Variants in PAPPA2 observed in about 807,000 individuals in gnomAD.
PAPPA2 encodes the protein pappalysin-2.
In PAPPA2, 86 loss-of-function variants were observed where a neutral mutation model predicts 176.4. That is an observed-to-expected ratio of 0.49 (90% CI 0.41 to 0.58). The LOEUF is 0.58. PAPPA2 is among the 20% of genes least tolerant of loss of function. The pLI is 0.00. For missense variants in PAPPA2, 2,073 were observed against 2,256.9 expected (o/e 0.92, Z 1.65); for synonymous variants, 809 against 852.2 (o/e 0.95, Z 0.88).
chr1:176,815,965 G>A (rs544236773), intron 21 of PAPPA2, among the ~76,000 whole-genome samples: 6 of 151,636 alleles, frequency 4.0e-5, no homozygotes, highest in Non-Finnish European at 8.8e-5. Context: ...AGTTCTTTCC[G>A]TCCTTTTTCC....
At chr1:176,565,665 C>T (rs1484253892) in intron 2 of PAPPA2, among the ~76,000 whole-genome samples, 1 of 152,188 alleles carries the variant, frequency 6.6e-6, no homozygotes, top group Non-Finnish European at 1.5e-5. Context: ...CGCTGCACTC[C>T]AGCCTGGGGG....
intron 21 of PAPPA2, among the ~76,000 whole-genome samples, chr1:176,811,711 T>A (rs1217319051): frequency 6.6e-6 from 1 of 152,188 alleles, no homozygotes; most frequent in East Asian, 1.9e-4. Flanking sequence ...TGTTTGTGAA[T>A]TTCACTGCCA....
chr1:176,728,919 A>G (rs1255270901), intron 12 of PAPPA2, among the ~76,000 whole-genome samples: 1 of 151,912 alleles, frequency 6.6e-6, no homozygotes, highest in Non-Finnish European at 1.5e-5. Flanking sequence ...ACCCGATATT[A>G]CCCAATTATC....
At position 176,809,951 on chromosome 1, in the gene PAPPA2, A is replaced by AGTGTGTGTGT. The variant is rs55858181; in HGVS notation, c.5202+9860_5202+9869dup. On this transcript the variant is annotated intron_variant, in intron 21 of 22. Coordinates refer to ENST00000367662, the MANE Select transcript of PAPPA2 (RefSeq NM_020318.3). ...TCTCCTTATTTTTAGGACAAGATGC[A>AGTGTGTGTGT]GTGTGTGTGTGTGTGTGTGTGTGTG... 2.7e-3 allele frequency among the ~76,000 whole-genome samples: 357 copies of AGTGTGTGTGT among 133,782 alleles called. 1 individual carries two copies. Among genetic ancestry groups the AGTGTGTGTGT allele is most frequent in the African/African-American group, 8.4e-3 (294 of 34,856 alleles). The allele number at this position is 133,782 out of a possible 152,430, so 87.8% of individuals were successfully genotyped here. A position where few individuals can be genotyped will look rare whatever the true frequency, so the allele number is the denominator to read the frequency against.
intron 3 of PAPPA2, among the ~76,000 whole-genome samples, chr1:176,597,943 G>A (rs1198951392): frequency 6.6e-6 from 1 of 152,010 alleles, no homozygotes; most frequent in Non-Finnish European, 1.5e-5. Flanking sequence ...GCCCTTATCT[G>A]GGTGTTTATA....
At chr1:176,638,585 A>G (rs910456087) in intron 3 of PAPPA2, among the ~76,000 whole-genome samples, 2 of 152,000 alleles carry the variant, frequency 1.3e-5, no homozygotes, top group Admixed American at 6.6e-5. Flanking sequence ...GAAAGAGGGA[A>G]GACTGAATGC....
At chr1:176,616,028 G>A (rs1299849790) in intron 3 of PAPPA2, among the ~76,000 whole-genome samples, 6 of 152,320 alleles carry the variant, frequency 3.9e-5, no homozygotes, top group Admixed American at 3.3e-4. Flanking sequence ...TGGTATGAAT[G>A]ACAAGCACAT....
At chr1:176,674,265 T>C (rs1392227080) in intron 4 of PAPPA2, among the ~76,000 whole-genome samples, 1 of 152,080 alleles carries the variant, frequency 6.6e-6, no homozygotes, top group South Asian at 2.1e-4. Flanking sequence ...AACACTCTTT[T>C]AAAAACATTT....
chr1:176,827,008 A>T (rs1666885189), intron 21 of PAPPA2, among the ~76,000 whole-genome samples: 1 of 152,236 alleles, frequency 6.6e-6, no homozygotes, highest in East Asian at 1.9e-4. Context: ...TGATTTGAAC[A>T]GTCAATGTCA....
At chr1:176,659,466 C>T (rs1658214248) in intron 3 of PAPPA2, among the ~76,000 whole-genome samples, 1 of 152,002 alleles carries the variant, frequency 6.6e-6, no homozygotes. Context: ...AGATTAGGGC[C>T]CACTCTAATG....
chr1:176,663,436 T>A (rs1232070320), intron 3 of PAPPA2, among the ~76,000 whole-genome samples: 1 of 152,148 alleles, frequency 6.6e-6, no homozygotes, highest in East Asian at 1.9e-4. Context: ...ACTTTGTTTC[T>A]GGCTAAGTAG....
intron 12 of PAPPA2, among the ~76,000 whole-genome samples, chr1:176,730,094 T>C (rs1320393316): frequency 6.6e-6 from 1 of 151,982 alleles, no homozygotes; most frequent in Non-Finnish European, 1.5e-5. Context: ...TAGAATTATT[T>C]TATATATTCA....
chr1:176,578,097 C>T (rs966067704), intron 2 of PAPPA2, among the ~76,000 whole-genome samples: 4 of 152,294 alleles, frequency 2.6e-5, no homozygotes, highest in Non-Finnish European at 5.9e-5. Context: ...CCAAGAGCAG[C>T]ATTTCTGCCT....
intron 3 of PAPPA2, among the ~76,000 whole-genome samples, chr1:176,623,663 C>CTT (rs1655774405): frequency 8.6e-6 from 1 of 116,662 alleles, no homozygotes; most frequent in African/African-American, 3.1e-5. Context: ...TTCTTTCTTT[C>CTT]TTTCTTTTTC....
At chr1:176,797,088 A>G (rs910597106) in intron 20 of PAPPA2, among the ~76,000 whole-genome samples, 1 of 152,266 alleles carries the variant, frequency 6.6e-6, no homozygotes, top group African/African-American at 2.4e-5. Flanking sequence ...GTTGCTTGCT[A>G]ATAGCATAAT....
chr1:176,686,845 G>A (rs2102799336), intron 4 of PAPPA2, among the ~76,000 whole-genome samples: 1 of 152,268 alleles, frequency 6.6e-6, no homozygotes, highest in South Asian at 2.1e-4. Flanking sequence ...GAAGAGATTA[G>A]GGGAAAGGTT....
intron 2 of PAPPA2, among the ~76,000 whole-genome samples, chr1:176,573,764 A>C (rs1033372349): frequency 9.2e-5 from 14 of 152,172 alleles, no homozygotes; most frequent in African/African-American, 3.1e-4. Flanking sequence ...ATGAGTGGGG[A>C]GTGACAAGTC....
intron 22 of PAPPA2, among the ~76,000 whole-genome samples, chr1:176,841,735 A>G (rs1289838160): frequency 6.6e-6 from 1 of 152,136 alleles, no homozygotes; most frequent in East Asian, 1.9e-4. Context: ...GCCACAAACA[A>G]TGGGTGGGTA....
At chr1:176,526,806 A>G (rs1002667968) in intron 1 of PAPPA2, among the ~76,000 whole-genome samples, 4 of 152,236 alleles carry the variant, frequency 2.6e-5, no homozygotes, top group African/African-American at 9.6e-5. Context: ...GTTGGAAGAA[A>G]TGAATTCAAG....
Sources: gnomAD v4.1 joint callset for allele counts (sites outside exome capture counted in the v4.1 genomes callset) on GRCh38, gnomAD v4.1.1 for gene constraint, MANE v1.5 for transcripts, NCBI Gene and HGNC (gene_info 2026-07-23, HGNC 2026-07-21) for gene names.